The following DENND1A variants were observed in gnomAD, a reference collection of about 807,000 sequenced individuals.
DENND1A encodes the protein DENN domain containing 1A.
A neutral mutation model predicts 113.7 loss-of-function variants in DENND1A; 51 were observed. The ratio of observed to expected loss-of-function variants is 0.45; its 90% CI spans 0.36 to 0.57. The LOEUF (loss-of-function observed/expected upper bound fraction) is 0.57, where lower values mean the gene tolerates loss of function less well. Ranked by LOEUF, DENND1A falls within the 20% of genes least tolerant of loss-of-function variation. The pLI, the probability that DENND1A is intolerant of heterozygous loss-of-function variation, is 0.00. For synonymous variants in DENND1A, 565 were observed against 570.8 expected (o/e 0.99, Z 0.14); for missense variants, 1,258 against 1,395.9 (o/e 0.90, Z 1.57).
chr9:123,749,222 A>G (rs1589924662), intron 5 of DENND1A, among the ~76,000 whole-genome samples: 1 of 152,180 alleles, frequency 6.6e-6, no homozygotes, highest in East Asian at 1.9e-4. Flanking sequence ...CATTTTCATC[A>G]TTTATAAGAT....
At chr9:123,761,367 A>T (rs2071023004) in intron 4 of DENND1A, among the ~76,000 whole-genome samples, 1 of 152,370 alleles carries the variant, frequency 6.6e-6, no homozygotes, top group Admixed American at 6.5e-5. Flanking sequence ...CAGAGTAGGA[A>T]CAATTAAAAA....
At chr9:123,712,282 GT>G (rs2066687365) in intron 5 of DENND1A, among the ~76,000 whole-genome samples, 1 of 152,158 alleles carries the variant, frequency 6.6e-6, no homozygotes, top group Non-Finnish European at 1.5e-5. Flanking sequence ...GAAAACAGAA[GT>G]TTAGACAGGA....
At chr9:123,740,550 G>C (rs1208316681) in intron 5 of DENND1A, among the ~76,000 whole-genome samples, 3 of 152,020 alleles carry the variant, frequency 2.0e-5, no homozygotes. Context: ...CTTTGATAGA[G>C]AGCAGGAGAA....
intron 5 of DENND1A, among the ~76,000 whole-genome samples, chr9:123,716,649 G>A (rs1171126930): frequency 1.3e-5 from 2 of 152,218 alleles, no homozygotes; most frequent in African/African-American, 4.8e-5. Context: ...TGGCTCCTGG[G>A]TTATAATTTA....
chr9:123,431,184 GGT>G (rs1159740155), intron 19 of DENND1A, among the ~76,000 whole-genome samples: 3 of 152,136 alleles, frequency 2.0e-5, no homozygotes, highest in Non-Finnish European at 4.4e-5. Flanking sequence ...AGTAATTGTG[GGT>G]ATGGGGTTGG....
chr9:123,916,116 A>G (rs887384565), intron 1 of DENND1A, among the ~76,000 whole-genome samples: 14 of 152,136 alleles, frequency 9.2e-5, no homozygotes, highest in Non-Finnish European at 2.1e-4. Flanking sequence ...TAATAATAAA[A>G]GACTAGAAGC....
At chr9:123,790,464 A>C (rs929321377) in intron 3 of DENND1A, among the ~76,000 whole-genome samples, 3 of 152,112 alleles carry the variant, frequency 2.0e-5, no homozygotes, top group African/African-American at 7.2e-5. Flanking sequence ...AGTTGTGTGC[A>C]CTCTTATAAG....
At position 123,620,232 on chromosome 9, in the gene DENND1A, A is replaced by AAAAAAG. The variant is rs1554916734; in HGVS notation, c.719+10143_719+10144insCTTTTT. Among the ~76,000 whole-genome samples, 17 of 114,416 alleles carry AAAAAAG rather than the reference A, an allele frequency of 1.5e-4. 1 individual carries two copies. Among genetic ancestry groups the AAAAAAG allele is most frequent in the East Asian group, 1.1e-3 (5 of 4,580 alleles). 75.1% of individuals were successfully genotyped at this position (114,416 alleles called of 152,430 possible). A position where few individuals can be genotyped will look rare whatever the true frequency, so the allele number is the denominator to read the frequency against. ...CCATCTCAAAAAAAAAAAAAAAAAAAAAAAAAGAAAAGAAAAAGAAAAAAA... is the reference window on the plus strand; with the variant it reads ...CCATCTCAAAAAAAAAAAAAAAAAAAAAAAAGAAAAAAGAAAAGAAAAAGAAAAAAA... On this transcript the variant is annotated intron_variant, in intron 10 of 23. Transcript: ENST00000394215.
At chr9:123,426,809 CA>C (rs1174610503) in intron 19 of DENND1A, among the ~76,000 whole-genome samples, 4 of 152,172 alleles carry the variant, frequency 2.6e-5, no homozygotes, top group African/African-American at 7.2e-5. Flanking sequence ...ACGCCTGGAC[CA>C]GGGGCAGATA....
chr9:123,585,285 T>C (rs1453966842), intron 11 of DENND1A, among the ~76,000 whole-genome samples: 1 of 152,242 alleles, frequency 6.6e-6, no homozygotes, highest in African/African-American at 2.4e-5. Context: ...CAATTGCCGA[T>C]GTAGGAGTTT....
chr9:123,392,232 G>C (rs1472103304), intron 21 of DENND1A, among the ~76,000 whole-genome samples: 2 of 152,108 alleles, frequency 1.3e-5, no homozygotes, highest in African/African-American at 4.8e-5. Flanking sequence ...TCTGCATCTC[G>C]GGAGTTTTTT....
intron 10 of DENND1A, among the ~76,000 whole-genome samples, chr9:123,614,874 G>A (rs1355945474): frequency 6.6e-6 from 1 of 152,216 alleles, no homozygotes; most frequent in Non-Finnish European, 1.5e-5. Flanking sequence ...AACTCTGAAG[G>A]AGGTCTTATG....
At chr9:123,890,372 C>A (rs1253770338) in intron 1 of DENND1A, among the ~76,000 whole-genome samples, 1 of 152,162 alleles carries the variant, frequency 6.6e-6, no homozygotes, top group Non-Finnish European at 1.5e-5. Flanking sequence ...ATATTTTTTA[C>A]ATAAAAATGT....
intron 2 of DENND1A, among the ~76,000 whole-genome samples, chr9:123,846,705 A>G (rs1461789882): frequency 6.6e-6 from 1 of 152,236 alleles, no homozygotes; most frequent in African/African-American, 2.4e-5. Context: ...AAGGAAGGGA[A>G]AATGGGAAAT....
chr9:123,744,704 A>G (rs1016437228), intron 5 of DENND1A, among the ~76,000 whole-genome samples: 4 of 151,344 alleles, frequency 2.6e-5, no homozygotes, highest in Non-Finnish European at 4.4e-5. Context: ...TTCAATATCT[A>G]CTATACTATG....
rs145110812 is a variant in DENND1A at position 123,601,513 on chromosome 9, G to A, written c.765+7923C>T. Among the ~76,000 whole-genome samples the A allele has an allele frequency of 2.2e-3, 331 of 152,312 alleles. 1 individual carries two copies. Among genetic ancestry groups the A allele is most frequent in the African/African-American group, 7.8e-3 (324 of 41,578 alleles). On this transcript the variant is annotated intron_variant, in intron 11 of 23. Coordinates refer to ENST00000394215, the MANE Select transcript of DENND1A (RefSeq NM_001352964.2). The stretch of plus-strand genomic sequence containing the variant: ...GCAGTAGGAAGCTTCTGGATGGTAC[G>A]AGACTCATAAGTGATGACTGTGCAT...
chr9:123,452,214 A>G, intron 17 of DENND1A, 62 bp downstream of exon 17: 53 of 1,441,134 alleles, frequency 3.7e-5, no homozygotes, highest in Non-Finnish European at 5.0e-5. Context: ...AAATAAATAA[A>G]GAGTCTCATC....
chr9:123,419,227 G>A (rs1324674911), intron 19 of DENND1A, among the ~76,000 whole-genome samples: 1 of 152,236 alleles, frequency 6.6e-6, no homozygotes, highest in Non-Finnish European at 1.5e-5. Context: ...AAGAAGGTGG[G>A]GTGTGCCTGA....
intron 13 of DENND1A, among the ~76,000 whole-genome samples, chr9:123,531,554 T>TACACACACACACACACAC (rs57819030): frequency 3.9e-5 from 4 of 103,192 alleles, no homozygotes; most frequent in African/African-American, 1.1e-4. Flanking sequence ...CCTCTCTCTC[T>TACACACACACACACACAC]ACACACACAC....
Sources: gnomAD v4.1 joint callset for allele counts (sites outside exome capture counted in the v4.1 genomes callset) on GRCh38, gnomAD v4.1.1 for gene constraint, MANE v1.5 for transcripts, NCBI Gene and HGNC (gene_info 2026-07-23, HGNC 2026-07-21) for gene names.